The following AGO1 variants were observed in gnomAD, a reference collection of about 807,000 sequenced individuals.
AGO1 encodes the protein protein argonaute-1.
AGO1 carries 11 observed loss-of-function variants against 109.2 expected under a neutral mutation model. The observed-to-expected ratio is 0.10, with a 90% CI of 0.06 to 0.17. The LOEUF (loss-of-function observed/expected upper bound fraction) is 0.17, where lower values mean the gene tolerates loss of function less well. Ranked by LOEUF, AGO1 falls within the 10% of genes least tolerant of loss-of-function variation. The pLI is 1.00. For synonymous variants in AGO1, 422 were observed against 418.6 expected, an observed-to-expected ratio of 1.01 and a Z score of -0.10; for missense variants, 574 against 1,140.3, an observed-to-expected ratio of 0.50 and a Z score of 7.15.
Position 35,914,179 on chromosome 1 carries a change from C to T in AGO1, c.1743-5C>T, listed in dbSNP as rs1557621069. 6.2e-7 allele frequency: 1 copy of T among 1,614,064 alleles called. No individual in the cohort carries two copies. The highest frequency in any genetic ancestry group is 8.5e-7 in the Non-Finnish European group (1 of 1,179,944). ...TCACCATTTTGTTTTCTCTTCCTTGCTCAGCTCTGCCGTTTTTCAACAGCC... is the reference window on the plus strand; with the variant it reads ...TCACCATTTTGTTTTCTCTTCCTTGTTCAGCTCTGCCGTTTTTCAACAGCC... On this transcript the variant is annotated splice_polypyrimidine_tract_variant and splice_region_variant and intron_variant, in intron 13 of 18. Transcript: ENST00000373204.
In AGO1 at chr1:35,919,173, T is replaced by C; in HGVS notation, c.2384T>C (p.Val795Ala). 6.2e-7 allele frequency: 1 copy of C among 1,614,142 alleles called. No individual in the cohort carries two copies. Among genetic ancestry groups the C allele is most frequent in the Non-Finnish European group, 8.5e-7 (1 of 1,180,036 alleles). The change falls in exon 18 of 19, where the codon GTC (valine) becomes GCC (alanine). Residue 795 changes from valine to alanine, a missense_variant. Physicochemically the swap from Val to Ala is moderately conservative, Grantham distance 64. Coordinates refer to ENST00000373204, the MANE Select transcript of AGO1 (RefSeq NM_012199.5). This position sits in a 1 kb window ranked among gnomAD's most constrained non-coding sequence, Gnocchi z 6.6. Reference protein sequence around the residue: ...CHTYVRCTRSVSIPAPAYYAR... With the variant: ...CHTYVRCTRSASIPAPAYYAR... ...ACTTACGTACGATGCACACGCTCTG[T>C]CTCTATCCCAGCACCTGCCTACTAT...
chr1:35,912,862 G>A lies in AGO1; in HGVS notation c.1583-980G>A, dbSNP rs117889639. ...GCTGGGATTACAGGCGTAAGCCACC[G>A]TGCCCGGCTGGCCTATTTTTATTAC... On this transcript the variant is annotated intron_variant, in intron 12 of 18. Coordinates refer to ENST00000373204, the MANE Select transcript of AGO1 (RefSeq NM_012199.5). Among the ~76,000 whole-genome samples the A allele has an allele frequency of 1.7e-3, 256 of 152,160 alleles. 2 individuals are homozygous for A. In the East Asian group the frequency reaches 0.034, roughly 20 times the overall value.
At position 35,892,684 on chromosome 1, in the gene AGO1, T is replaced by C. The variant is rs763032956; in HGVS notation, c.330+7T>C. 5.6e-6 allele frequency: 9 copies of C among 1,614,154 alleles called. No individual in the cohort carries two copies. The highest frequency in any genetic ancestry group is 3.3e-4 in the Middle Eastern group (2 of 6,062). On this transcript the variant is annotated splice_region_variant and intron_variant, in intron 3 of 18. Transcript: ENST00000373204. The stretch of plus-strand genomic sequence containing the variant: ...GCCCATTGGCAACGAACGGGTAAGG[T>C]TGGGAGTCAGGCTAGGCCTGTGTCA...
At chr1:35,900,594 G>A (rs1645396162) in intron 8 of AGO1, among the ~76,000 whole-genome samples, 1 of 152,178 alleles carries the variant, frequency 6.6e-6, no homozygotes, top group African/African-American at 2.4e-5. Flanking sequence ...GGGCATGGTA[G>A]CACATGACTG....
chr1:35,917,862 C>A, intron 16 of AGO1, 135 bp downstream of exon 16: 2 of 1,272,616 alleles, frequency 1.6e-6, no homozygotes, highest in Non-Finnish European at 2.1e-6. Context: ...CTCCTCCTAG[C>A]TCTTGTGGTC....
chr1:35,888,371 T>A lies in AGO1; in HGVS notation c.26-56T>A. The A allele has an allele frequency of 1.3e-6, 2 of 1,574,444 alleles. No individual in the cohort carries two copies. Among genetic ancestry groups the A allele is most frequent in the Non-Finnish European group, 1.7e-6 (2 of 1,152,626 alleles). On this transcript the variant is annotated intron_variant, in intron 1 of 18. Transcript: ENST00000373204. This position sits in a 1 kb window ranked among gnomAD's most constrained non-coding sequence, Gnocchi z 4.1. Reference sequence around the variant, plus strand: ...CTGGGAGGCCTTGTTCCTCCTCTGATAAGAGTAGTTAGGAGATTGCCAGAC... The same window carrying A: ...CTGGGAGGCCTTGTTCCTCCTCTGAAAAGAGTAGTTAGGAGATTGCCAGAC...
intron 7 of AGO1, 85 bp downstream of exon 7, chr1:35,894,487 A>G (rs1210695740): frequency 7.4e-7 from 1 of 1,346,530 alleles, no homozygotes. Context: ...TCCCTCCCCC[A>G]CTGGCCTTGA....
intron 2 of AGO1, among the ~76,000 whole-genome samples, chr1:35,891,647 C>T (rs570699938): frequency 9.9e-5 from 15 of 152,128 alleles, no homozygotes; most frequent in African/African-American, 3.1e-4. Context: ...TCACTGCAAC[C>T]TCTGCCTCTC....
Position 35,918,211 on chromosome 1 carries a change from C to G in AGO1, c.2164-111C>G, listed in dbSNP as rs1645769749. 20 of 841,684 alleles carry G rather than the reference C, an allele frequency of 2.4e-5. No homozygotes were observed. The South Asian group carries it at 2.8e-4, about 12-fold the overall frequency. The allele number at this position is 841,684 out of a possible 1,614,324, so 52.1% of individuals were successfully genotyped here. A position where few individuals can be genotyped will look rare whatever the true frequency, so the allele number is the denominator to read the frequency against. ...AAGATTCAGTACCCTCAGGGAATAGCAACTTTGGCTTTGTTCTTGGGATTT... is the reference window on the plus strand; with the variant it reads ...AAGATTCAGTACCCTCAGGGAATAGGAACTTTGGCTTTGTTCTTGGGATTT... On this transcript the variant is annotated intron_variant, in intron 16 of 18. Coordinates refer to ENST00000373204, the MANE Select transcript of AGO1 (RefSeq NM_012199.5).
intron 8 of AGO1, among the ~76,000 whole-genome samples, chr1:35,896,623 T>A (rs1645325181): frequency 6.6e-6 from 1 of 152,172 alleles, no homozygotes; most frequent in Non-Finnish European, 1.5e-5. Context: ...CCTCCCAAAG[T>A]GCTGGATTAC....
chr1:35,892,094 T>TA (rs1193500969), intron 2 of AGO1, among the ~76,000 whole-genome samples: 1 of 152,104 alleles, frequency 6.6e-6, no homozygotes, highest in Non-Finnish European at 1.5e-5. Flanking sequence ...CTCTGTTGCC[T>TA]AGTCTAGCCT....
At chr1:35,887,790 T>C (rs1645144910) in intron 1 of AGO1, among the ~76,000 whole-genome samples, 1 of 152,094 alleles carries the variant, frequency 6.6e-6, no homozygotes, top group Non-Finnish European at 1.5e-5. Flanking sequence ...TTTTGTGACC[T>C]CCAGCTCTGT....
chr1:35,918,417 C>T lies in AGO1; in HGVS notation c.2259C>T (p.Gly753=). The part of the protein sequence containing the change: ...EFDFYLCSHA[G]IQGTSRPSHY... Reference sequence around the variant, plus strand: ...ACTTCTATCTGTGCAGCCACGCAGGCATCCAGGTAGCTGGGCTTTATCTTG... The same window carrying T: ...ACTTCTATCTGTGCAGCCACGCAGGTATCCAGGTAGCTGGGCTTTATCTTG... Residue 753 remains glycine (G), a synonymous_variant, in exon 17 of 19, where the codon GGC becomes GGT. Coordinates refer to ENST00000373204, the MANE Select transcript of AGO1 (RefSeq NM_012199.5). 6.2e-7 allele frequency: 1 copy of T among 1,613,318 alleles called. No individual in the cohort carries two copies. Among genetic ancestry groups the T allele is most frequent in the South Asian group, 1.1e-5 (1 of 91,068 alleles).
chr1:35,889,393 G>A (rs1645177252), intron 2 of AGO1, among the ~76,000 whole-genome samples: 2 of 151,648 alleles, frequency 1.3e-5, no homozygotes, highest in South Asian at 2.1e-4. Context: ...TGTATTTTTA[G>A]TAGAGACGGA....
chr1:35,913,059 G>T (rs1361243842), intron 12 of AGO1, among the ~76,000 whole-genome samples: 1 of 145,892 alleles, frequency 6.9e-6, no homozygotes, highest in African/African-American at 2.6e-5. Context: ...TCACTCTGTC[G>T]CCCAGGCTGG....
chr1:35,895,481 A>G lies in AGO1; in HGVS notation c.1020+212A>G, dbSNP rs140079806. Among the ~76,000 whole-genome samples, 388 of 152,306 alleles carry G rather than the reference A, an allele frequency of 2.5e-3. 1 individual carries two copies. Among genetic ancestry groups the G allele is most frequent in the African/African-American group, 8.4e-3 (348 of 41,566 alleles). ...TCATGTTCTTTCAGGGCTGCCAGGC[A>G]GAGACAAGCTGAATTTACTGTTTAA... On this transcript the variant is annotated intron_variant, in intron 8 of 18. Coordinates refer to ENST00000373204, the MANE Select transcript of AGO1 (RefSeq NM_012199.5).
At chr1:35,916,460 C>T (rs559719976) in intron 15 of AGO1, among the ~76,000 whole-genome samples, 14 of 152,214 alleles carry the variant, frequency 9.2e-5, no homozygotes, top group African/African-American at 2.6e-4. Flanking sequence ...TTCTGCCTCC[C>T]GGGCTCAAGC....
chr1:35,883,253 C>G lies in AGO1; in HGVS notation c.-169C>G, dbSNP rs988496009. 4 of 1,344,440 alleles carry G rather than the reference C, an allele frequency of 3.0e-6. No homozygotes were observed. The highest frequency in any genetic ancestry group is 3.8e-6 in the Non-Finnish European group (4 of 1,046,932). 83.3% of individuals were successfully genotyped at this position (1,344,440 alleles called of 1,614,324 possible). A position where few individuals can be genotyped will look rare whatever the true frequency, so the allele number is the denominator to read the frequency against. On this transcript the variant is annotated 5_prime_UTR_variant, in exon 1 of 19. Transcript: ENST00000373204. The surrounding 1 kb of genome is among the most constrained non-coding windows in gnomAD (Gnocchi z 5.4). ...CTCGCAGTGGGAGCTGCTGCAGGCT[C>G]CGCGGCGGCGGCAACGGAGGCTGCG...
At chr1:35,879,514 T>C (rs1645018391), upstream of AGO1, among the ~76,000 whole-genome samples, 1 of 151,410 alleles carries the variant, frequency 6.6e-6, no homozygotes, top group Admixed American at 6.6e-5. Flanking sequence ...TCCCAGCATT[T>C]TGGGAGGCCG....
Sources: gnomAD v4.1 joint callset for allele counts (sites outside exome capture counted in the v4.1 genomes callset) on GRCh38, gnomAD v4.1.1 for gene constraint, Gnocchi (gnomAD v3.1) non-coding constraint, MANE v1.5 for transcripts, NCBI Gene and HGNC (gene_info 2026-07-23, HGNC 2026-07-21) for gene names.